MTA3: variants seen among roughly 807,000 people sequenced by gnomAD.
MTA3 encodes metastasis-associated protein MTA3.
A neutral mutation model predicts 83.5 loss-of-function variants in MTA3; 34 were observed. That is an observed-to-expected ratio of 0.41 (90% confidence interval 0.31 to 0.54). The LOEUF (loss-of-function observed/expected upper bound fraction) is 0.54, where lower values mean the gene tolerates loss of function less well. Ranked by LOEUF, MTA3 falls within the 20% of genes least tolerant of loss-of-function variation. The probability of loss-of-function intolerance (pLI) is 0.33; values close to 1 mark genes in which losing one functional copy is unlikely to be tolerated. For synonymous variants in MTA3, 303 were observed against 252.7 expected (o/e 1.20, Z -1.89); for missense variants, 761 against 726.4 (o/e 1.05, Z -0.55).
intron 16 of MTA3, among the ~76,000 whole-genome samples, chr2:42,740,187 A>G (rs2104580893): frequency 6.6e-6 from 1 of 152,378 alleles, no homozygotes; most frequent in Non-Finnish European, 1.5e-5. Context: ...GCCTTACAAA[A>G]TGTATTTCCT....
intron 2 of MTA3, among the ~76,000 whole-genome samples, chr2:42,573,530 C>G (rs1678712909): frequency 6.6e-6 from 1 of 151,774 alleles, no homozygotes; most frequent in South Asian, 2.1e-4. Flanking sequence ...GTTGTTGTTG[C>G]TATGGATTCT....
Position 42,682,407 on chromosome 2 carries a change from G to A in MTA3, c.709G>A (p.Ala237Thr). The part of the protein sequence containing the change: ...AASRDITLFH[A>T]MDTLYRHSYD... ...GTTCATTTTGTTTCTTTAGTTTCAC[G>A]CTATGGATACATTGTATAGACACAG... The change falls in exon 9 of 17, where the codon GCT (alanine) becomes ACT (threonine). Residue 237 changes from alanine to threonine, a missense_variant. By Grantham distance (58) the Ala-to-Thr change is moderately conservative (BLOSUM62 0). Coordinates refer to ENST00000405094, the MANE Select transcript of MTA3 (RefSeq NM_001330442.2). 5 of 1,585,438 alleles carry A rather than the reference G, an allele frequency of 3.2e-6. No homozygotes were observed. The highest frequency in any genetic ancestry group is 4.3e-6 in the Non-Finnish European group (5 of 1,162,792).
chr2:42,591,774 C>T (rs1681035463), intron 3 of MTA3, among the ~76,000 whole-genome samples: 1 of 152,092 alleles, frequency 6.6e-6, no homozygotes, highest in Non-Finnish European at 1.5e-5. Flanking sequence ...CCTCAGCCTC[C>T]CGAGTAGCTG....
At chr2:42,621,148 TTAA>T (rs1477179487) in intron 4 of MTA3, among the ~76,000 whole-genome samples, 4 of 151,792 alleles carry the variant, frequency 2.6e-5, no homozygotes, top group African/African-American at 4.8e-5. Context: ...TTTTTTTTTT[TTAA>T]TTGATCATTC....
At chr2:42,636,611 T>TA (rs1687220758) in intron 4 of MTA3, among the ~76,000 whole-genome samples, 1 of 150,462 alleles carries the variant, frequency 6.6e-6, no homozygotes, top group African/African-American at 2.4e-5. Flanking sequence ...AATTTAAACT[T>TA]CTTTCTCTTT....
chr2:42,553,962 G>A (rs1677257376), intron 2 of MTA3, among the ~76,000 whole-genome samples: 1 of 151,430 alleles, frequency 6.6e-6, no homozygotes, highest in Non-Finnish European at 1.5e-5. Context: ...CAGCGGGCAT[G>A]GTGGCTCACG....
At chr2:42,559,939 C>T (rs1389505425) in intron 2 of MTA3, among the ~76,000 whole-genome samples, 1 of 152,002 alleles carries the variant, frequency 6.6e-6, no homozygotes, top group Non-Finnish European at 1.5e-5. Context: ...AGCTACCATT[C>T]TACTCCAAGT....
At chr2:42,636,954 A>G (rs1364885774) in intron 4 of MTA3, among the ~76,000 whole-genome samples, 2 of 152,192 alleles carry the variant, frequency 1.3e-5, no homozygotes, top group Non-Finnish European at 2.9e-5. Context: ...AATATGTACT[A>G]GCTTTAGATA....
At chr2:42,538,914 A>G (rs1053584194) in intron 2 of MTA3, among the ~76,000 whole-genome samples, 6 of 149,344 alleles carry the variant, frequency 4.0e-5, no homozygotes, top group Non-Finnish European at 7.4e-5. Flanking sequence ...AGCTGGGACT[A>G]CAGGCGCCCG....
At chr2:42,725,682 G>A (rs1667760287) in intron 16 of MTA3, among the ~76,000 whole-genome samples, 1 of 152,248 alleles carries the variant, frequency 6.6e-6, no homozygotes, top group African/African-American at 2.4e-5. Flanking sequence ...GCACCTCTCA[G>A]GAGGTGTGAT....
intron 4 of MTA3, among the ~76,000 whole-genome samples, chr2:42,639,925 G>A (rs1328018440): frequency 2.0e-5 from 3 of 151,640 alleles, no homozygotes; most frequent in African/African-American, 7.3e-5. Flanking sequence ...TTGCATATTA[G>A]GATTTATTGC....
intron 2 of MTA3, among the ~76,000 whole-genome samples, chr2:42,553,670 G>C (rs1403314287): frequency 6.6e-6 from 1 of 151,448 alleles, no homozygotes; most frequent in African/African-American, 2.4e-5. Context: ...AGGAGGTAGA[G>C]GTTGCAGTGA....
chr2:42,673,977 A>G (rs1435215831), intron 8 of MTA3, among the ~76,000 whole-genome samples: 2 of 152,212 alleles, frequency 1.3e-5, no homozygotes, highest in African/African-American at 4.8e-5. Flanking sequence ...GCTTATAACA[A>G]CAAGCATTGA....
At chr2:42,649,365 A>G (rs1292449884) in intron 6 of MTA3, among the ~76,000 whole-genome samples, 1 of 151,632 alleles carries the variant, frequency 6.6e-6, no homozygotes, top group Non-Finnish European at 1.5e-5. Context: ...GTGAGCCAAG[A>G]TCGTACCACT....
At chr2:42,707,071 C>A (rs1666159222) in intron 12 of MTA3, among the ~76,000 whole-genome samples, 1 of 149,132 alleles carries the variant, frequency 6.7e-6, no homozygotes, top group Non-Finnish European at 1.5e-5. Flanking sequence ...CTCAAGCAGT[C>A]CTGCTGCCTC....
chr2:42,652,317 G>T (rs186412820), intron 6 of MTA3, among the ~76,000 whole-genome samples: 22 of 152,184 alleles, frequency 1.4e-4, no homozygotes, highest in Admixed American at 4.6e-4. Context: ...GAGAAATCCT[G>T]TTTGCATTTG....
rs532169144 is a variant in MTA3 at position 42,675,430 on chromosome 2, C to A, written c.703-6971C>A. Among the ~76,000 whole-genome samples the A allele has an allele frequency of 3.9e-5, 6 of 152,256 alleles. No homozygotes were observed. The South Asian group carries it at 1.2e-3, about 32-fold the overall frequency. The stretch of plus-strand genomic sequence containing the variant: ...ATTAACAGGTGTGAGCCACCGCACC[C>A]AGCCTCAAAATTCTTTTTCTTATTT... On this transcript the variant is annotated intron_variant, in intron 8 of 16. Coordinates refer to ENST00000405094, the MANE Select transcript of MTA3 (RefSeq NM_001330442.2).
chr2:42,568,116 T>A (rs939364037), upstream of MTA3: 3 of 152,232 alleles, frequency 2.0e-5, no homozygotes, highest in African/African-American at 7.2e-5. Flanking sequence ...CCCTTGAATC[T>A]CACCGCGAGG....
At chr2:42,548,821 A>AT (rs1255016342) in intron 2 of MTA3, among the ~76,000 whole-genome samples, 2 of 19,874 alleles carry the variant, frequency 1.0e-4, no homozygotes, top group African/African-American at 1.3e-4. Flanking sequence ...ATATATATAT[A>AT]TATATATAAT....
Sources: allele counts gnomAD v4.1 joint callset (sites outside exome capture counted in the v4.1 genomes callset), GRCh38; gene constraint gnomAD v4.1.1; transcripts MANE v1.5; gene names NCBI Gene and HGNC (gene_info 2026-07-23, HGNC 2026-07-21).